The following GLRB variants were observed in gnomAD, a reference collection of about 807,000 sequenced individuals.
GLRB encodes glycine receptor subunit beta.
A neutral mutation model predicts 54.2 loss-of-function variants in GLRB; 33 were observed. The observed-to-expected ratio is 0.61, with a 90% CI of 0.46 to 0.81. GLRB has a LOEUF of 0.81. Ranked by LOEUF, GLRB falls within the 40% of genes least tolerant of loss-of-function variation. The pLI is 0.00. For missense variants in GLRB, 572 were observed against 584.6 expected (o/e 0.98, Z 0.22); for synonymous variants, 209 against 208.2 (o/e 1.00, Z -0.03).
At chr4:157,140,152 G>A (rs910469089) in intron 7 of GLRB, among the ~76,000 whole-genome samples, 6 of 151,768 alleles carry the variant, frequency 4.0e-5, no homozygotes, top group Non-Finnish European at 8.9e-5. Context: ...GATAATAGTC[G>A]AATATATTGC....
At chr4:157,083,900 T>A (rs1269065848) in intron 2 of GLRB, among the ~76,000 whole-genome samples, 1 of 152,138 alleles carries the variant, frequency 6.6e-6, no homozygotes, top group Non-Finnish European at 1.5e-5. Context: ...AAGAAATATG[T>A]CAAGCTACTA....
At chr4:157,131,913 T>TATTTCA (rs1172908833) in intron 4 of GLRB, among the ~76,000 whole-genome samples, 1 of 151,864 alleles carries the variant, frequency 6.6e-6, no homozygotes, top group Non-Finnish European at 1.5e-5. Context: ...TTTCAGCTCC[T>TATTTCA]TTGGGCAAAT....
At chr4:157,119,516 C>A (rs1033508637) in intron 2 of GLRB, among the ~76,000 whole-genome samples, 14 of 151,594 alleles carry the variant, frequency 9.2e-5, no homozygotes, top group South Asian at 4.2e-4. Flanking sequence ...GAACAAGTAA[C>A]CTGTCTGCTT....
chr4:157,160,313 T>C (rs1275185166), intron 9 of GLRB, among the ~76,000 whole-genome samples: 1 of 152,176 alleles, frequency 6.6e-6, no homozygotes, highest in Non-Finnish European at 1.5e-5. Flanking sequence ...TTTGAAGGGC[T>C]TTTTGTGCCT....
At chr4:157,133,812 T>G (rs1736301797) in intron 4 of GLRB, among the ~76,000 whole-genome samples, 1 of 152,016 alleles carries the variant, frequency 6.6e-6, no homozygotes, top group Admixed American at 6.6e-5. Flanking sequence ...AAAATACAAA[T>G]GTATTCTTGG....
chr4:157,129,357 A>G (rs1213967708), intron 4 of GLRB, among the ~76,000 whole-genome samples: 1 of 151,818 alleles, frequency 6.6e-6, no homozygotes, highest in Non-Finnish European at 1.5e-5. Context: ...TAGGTTTCAA[A>G]GATGGTTATC....
intron 4 of GLRB, among the ~76,000 whole-genome samples, chr4:157,127,984 A>C (rs17035710): frequency 6.6e-6 from 1 of 151,652 alleles, no homozygotes; most frequent in Admixed American, 6.6e-5. Flanking sequence ...TTTGTTAGTA[A>C]TTTTTTTCCT....
At chr4:157,097,798 A>G (rs1309796672) in intron 2 of GLRB, among the ~76,000 whole-genome samples, 1 of 152,182 alleles carries the variant, frequency 6.6e-6, no homozygotes, top group Non-Finnish European at 1.5e-5. Context: ...AGGCGGGTGA[A>G]TTGCCTGAGG....
At position 157,120,667 on chromosome 4, in the gene GLRB, G is replaced by A. The variant is rs773962104; in HGVS notation, c.229+5G>A. On this transcript the variant is annotated splice_donor_5th_base_variant and intron_variant, in intron 3 of 9. Coordinates refer to ENST00000264428, the MANE Select transcript of GLRB (RefSeq NM_000824.5). ...GGATAAGACCAAACTTCAAAGGTTTGTCTCCCCCATATAAATGTTCATTTT... is the reference window on the plus strand; with the variant it reads ...GGATAAGACCAAACTTCAAAGGTTTATCTCCCCCATATAAATGTTCATTTT... 1 of 1,314,346 alleles carries A rather than the reference G, an allele frequency of 7.6e-7. No individual in the cohort carries two copies. The highest frequency in any genetic ancestry group is 1.1e-6 in the Non-Finnish European group (1 of 910,240). The allele number at this position is 1,314,346 out of a possible 1,614,324, so 81.4% of individuals were successfully genotyped here.
chr4:157,162,144 G>T (rs1302165357), intron 9 of GLRB, among the ~76,000 whole-genome samples: 1 of 152,164 alleles, frequency 6.6e-6, no homozygotes, highest in East Asian at 1.9e-4. Flanking sequence ...GCTTGTGAAT[G>T]CATCACGTAG....
At chr4:157,114,247 A>G (rs1368064104) in intron 2 of GLRB, among the ~76,000 whole-genome samples, 2 of 151,634 alleles carry the variant, frequency 1.3e-5, no homozygotes, top group African/African-American at 2.4e-5. Flanking sequence ...TATTATATAC[A>G]TAGTTTGCTT....
chr4:157,136,005 A>G (rs994124744), intron 4 of GLRB, among the ~76,000 whole-genome samples: 7 of 152,162 alleles, frequency 4.6e-5, no homozygotes, highest in Non-Finnish European at 7.3e-5. Context: ...ACATTCTTGA[A>G]TTAATTTTTG....
chr4:157,161,997 T>C (rs999046958), intron 9 of GLRB, among the ~76,000 whole-genome samples: 1 of 152,240 alleles, frequency 6.6e-6, no homozygotes, highest in Non-Finnish European at 1.5e-5. Flanking sequence ...TCTTTTCACA[T>C]AGTCCCATAT....
chr4:157,136,796 G>C lies in GLRB; in HGVS notation c.528-8G>C. The C allele has an allele frequency of 1.3e-6, 2 of 1,594,146 alleles. No individual in the cohort carries two copies. The highest frequency in any genetic ancestry group is 8.6e-7 in the Non-Finnish European group (1 of 1,161,954). On this transcript the variant is annotated splice_polypyrimidine_tract_variant and splice_region_variant and intron_variant, in intron 5 of 9. Coordinates refer to ENST00000264428, the MANE Select transcript of GLRB (RefSeq NM_000824.5). ...TAAATTATTTCTAAGACCCATTTCTGCTTCCAGGTTATCTATTACTCTTTC... is the reference window on the plus strand; with the variant it reads ...TAAATTATTTCTAAGACCCATTTCTCCTTCCAGGTTATCTATTACTCTTTC...
chr4:157,104,874 T>G (rs747992180), intron 2 of GLRB, among the ~76,000 whole-genome samples: 45 of 152,030 alleles, frequency 3.0e-4, no homozygotes, highest in Non-Finnish European at 5.7e-4. Context: ...TACAATCGTT[T>G]GTGTTTCTGT....
At chr4:157,159,948 GA>G (rs1737406059) in intron 9 of GLRB, among the ~76,000 whole-genome samples, 1 of 152,146 alleles carries the variant, frequency 6.6e-6, no homozygotes, top group African/African-American at 2.4e-5. Flanking sequence ...ATTTGGCTGT[GA>G]ATCCATCTGG....
rs1162617815 is a variant in GLRB at position 157,171,738 on chromosome 4, G to A, written c.*1010G>A. 6.6e-6 allele frequency: 1 copy of A among 151,690 alleles called. No homozygotes were observed. Among genetic ancestry groups the A allele is most frequent in the Non-Finnish European group, 1.5e-5 (1 of 67,766 alleles). The allele number at this position is 151,690 out of a possible 1,614,324, so 9.4% of individuals were successfully genotyped here. On this transcript the variant is annotated 3_prime_UTR_variant, in exon 10 of 10. Transcript: ENST00000264428. ...ATTTATTTTTTTATTTGAATATTTTGGGATTAGTTACAAAATATTTAGAGA... is the reference window on the plus strand; with the variant it reads ...ATTTATTTTTTTATTTGAATATTTTAGGATTAGTTACAAAATATTTAGAGA...
At chr4:157,086,078 C>A (rs916425365) in intron 2 of GLRB, among the ~76,000 whole-genome samples, 1 of 152,054 alleles carries the variant, frequency 6.6e-6, no homozygotes, top group African/African-American at 2.4e-5. Context: ...GTGGTCCTCC[C>A]GCCTTGTTCT....
At position 157,170,740 on chromosome 4, in the gene GLRB, C is replaced by T. The variant is rs568464712; in HGVS notation, c.*12C>T. 7.3e-7 allele frequency: 1 copy of T among 1,373,984 alleles called. No individual in the cohort carries two copies. Among genetic ancestry groups the T allele is most frequent in the African/African-American group, 1.5e-5 (1 of 68,762 alleles). 85.1% of individuals were successfully genotyped at this position (1,373,984 alleles called of 1,614,324 possible). A position where few individuals can be genotyped will look rare whatever the true frequency, so the allele number is the denominator to read the frequency against. On this transcript the variant is annotated 3_prime_UTR_variant, in exon 10 of 10. Transcript: ENST00000264428. The stretch of plus-strand genomic sequence containing the variant: ...CTATATATTTATGATAAATCTTTTC[C>T]ATTTGTACAAAATAAAATTCCATTT...
Sources: gnomAD v4.1 joint callset for allele counts (sites outside exome capture counted in the v4.1 genomes callset) on GRCh38, gnomAD v4.1.1 for gene constraint, MANE v1.5 for transcripts, NCBI Gene and HGNC (gene_info 2026-07-23, HGNC 2026-07-21) for gene names.